Variants in NTM observed in about 807,000 individuals in gnomAD.
NTM encodes IgLON family member 2.
NTM carries 13 observed loss-of-function variants against 42.1 expected under a neutral mutation model. That is an observed-to-expected ratio of 0.31 (90% confidence interval 0.20 to 0.49). NTM has a LOEUF of 0.49. Among genes scored for constraint, NTM ranks in the 20% least tolerant of loss-of-function variants. The probability of loss-of-function intolerance (pLI) is 0.99; values close to 1 mark genes in which losing one functional copy is unlikely to be tolerated. For synonymous variants in NTM, 187 were observed against 179.2 expected, an observed-to-expected ratio of 1.04 and a Z score of -0.35; for missense variants, 373 against 452.8, an observed-to-expected ratio of 0.82 and a Z score of 1.60.
intron 1 of NTM, among the ~76,000 whole-genome samples, chr11:131,874,043 ATATATATATATATATATATATATATCAG>A (rs2048234135): frequency 2.2e-5 from 1 of 45,862 alleles, no homozygotes; most frequent in Non-Finnish European, 3.4e-5. Context: ...ATATATATAT[ATATATATATATATATATATATATATCAG>A]CAACAGGGTG....
chr11:131,820,696 A>G (rs548281833), intron 1 of NTM, among the ~76,000 whole-genome samples: 1 of 152,322 alleles, frequency 6.6e-6, no homozygotes, highest in Admixed American at 6.5e-5. Flanking sequence ...AGCAATACAA[A>G]GGATTGGCAC....
chr11:132,020,229 A>G (rs910142270), intron 2 of NTM, among the ~76,000 whole-genome samples: 18 of 151,902 alleles, frequency 1.2e-4, no homozygotes, highest in Admixed American at 8.5e-4. Context: ...TCTTTATCCA[A>G]TCTACCACTG....
intron 4 of NTM, among the ~76,000 whole-genome samples, chr11:132,270,107 A>G (rs576248697): frequency 1.3e-5 from 2 of 152,322 alleles, no homozygotes; most frequent in East Asian, 3.9e-4. Flanking sequence ...CGTTTTATTC[A>G]TATGAGATCA....
chr11:131,914,334 A>G (rs516899), intron 2 of NTM, among the ~76,000 whole-genome samples: 94,268 of 151,624 alleles, frequency 0.62, 30,099 homozygotes, highest in Middle Eastern at 0.78. Flanking sequence ...TTCTGTTTTG[A>G]CTAATCATAT....
At chr11:132,188,247 C>T (rs1177926966) in intron 3 of NTM, among the ~76,000 whole-genome samples, 1 of 152,200 alleles carries the variant, frequency 6.6e-6, no homozygotes, top group African/African-American at 2.4e-5. Context: ...CCCCAAATGT[C>T]AGTAGTGCTG....
chr11:131,572,685 T>C (rs2137101037), intron 1 of NTM, among the ~76,000 whole-genome samples: 1 of 152,172 alleles, frequency 6.6e-6, no homozygotes, highest in Non-Finnish European at 1.5e-5. Context: ...CCACAGAGGC[T>C]CTGGGAGCTT....
intron 1 of NTM, chr11:131,582,053 C>T (rs11222703): frequency 0.32 from 48,880 of 152,020 alleles, 9,160 homozygotes; most frequent in East Asian, 0.45. Context: ...GGCTCTCAGC[C>T]TTCACTCTGC....
chr11:131,381,465 T>C (rs1194315373), intron 1 of NTM, among the ~76,000 whole-genome samples: 1 of 152,234 alleles, frequency 6.6e-6, no homozygotes, highest in Non-Finnish European at 1.5e-5. Context: ...CAAATAAGAA[T>C]TAACTAATCA....
intron 2 of NTM, among the ~76,000 whole-genome samples, chr11:131,980,282 A>G (rs1036178332): frequency 6.6e-6 from 1 of 152,178 alleles, no homozygotes; most frequent in Non-Finnish European, 1.5e-5. Context: ...TATTCAGAAT[A>G]AGGCCGATTT....
chr11:131,489,737 A>G (rs1324024617), intron 1 of NTM, among the ~76,000 whole-genome samples: 1 of 152,188 alleles, frequency 6.6e-6, no homozygotes, highest in Non-Finnish European at 1.5e-5. Context: ...ATGCCTCAAC[A>G]TACATTACTA....
chr11:131,491,208 A>AT (rs1039543280), intron 1 of NTM, among the ~76,000 whole-genome samples: 3 of 152,200 alleles, frequency 2.0e-5, no homozygotes, highest in African/African-American at 7.2e-5. Context: ...TGAGCTATCA[A>AT]TTTAAAAAAA....
chr11:131,861,207 G>A (rs940949985), intron 1 of NTM, among the ~76,000 whole-genome samples: 5 of 152,098 alleles, frequency 3.3e-5, no homozygotes, highest in African/African-American at 1.2e-4. Context: ...GCTAGGAAGG[G>A]CCTACACATC....
chr11:131,999,827 A>G (rs1057502177), intron 2 of NTM, among the ~76,000 whole-genome samples: 3 of 152,116 alleles, frequency 2.0e-5, no homozygotes, highest in Admixed American at 6.5e-5. Flanking sequence ...AAGAGAAACT[A>G]TCTCTCCCAT....
At chr11:131,607,726 A>C (rs1201685886) in intron 1 of NTM, among the ~76,000 whole-genome samples, 1 of 152,218 alleles carries the variant, frequency 6.6e-6, no homozygotes, top group South Asian at 2.1e-4. Flanking sequence ...TTATTAAAAG[A>C]GAATGAAATT....
At chr11:131,435,853 C>T (rs1215164739) in intron 1 of NTM, among the ~76,000 whole-genome samples, 5 of 152,190 alleles carry the variant, frequency 3.3e-5, no homozygotes, top group Non-Finnish European at 1.5e-5. Flanking sequence ...GAGGGCATCC[C>T]TGCCTTGTGC....
chr11:132,134,328 T>C (rs1036125510), intron 2 of NTM, among the ~76,000 whole-genome samples: 2 of 152,118 alleles, frequency 1.3e-5, no homozygotes, highest in African/African-American at 4.8e-5. Context: ...CTTTTATTTA[T>C]TTATTTTTTT....
At chr11:131,460,549 C>A (rs1016101248) in intron 1 of NTM, among the ~76,000 whole-genome samples, 1 of 152,054 alleles carries the variant, frequency 6.6e-6, no homozygotes, top group African/African-American at 2.4e-5. Context: ...TGCTTTCTTT[C>A]TTTTTTCTTT....
intron 1 of NTM, among the ~76,000 whole-genome samples, chr11:131,666,326 T>G (rs1445707268): frequency 6.6e-6 from 1 of 152,162 alleles, no homozygotes; most frequent in African/African-American, 2.4e-5. Flanking sequence ...TGTCTTATAA[T>G]TGCCAGAGGG....
At chr11:131,431,353 C>T (rs1003659343) in intron 1 of NTM, among the ~76,000 whole-genome samples, 1 of 152,192 alleles carries the variant, frequency 6.6e-6, no homozygotes, top group African/African-American at 2.4e-5. Flanking sequence ...CCTCCTTAGA[C>T]CCCTCACATA....
Sources: gnomAD v4.1 joint callset for allele counts (sites outside exome capture counted in the v4.1 genomes callset) on GRCh38, gnomAD v4.1.1 for gene constraint, MANE v1.5 for transcripts, NCBI Gene and HGNC (gene_info 2026-07-23, HGNC 2026-07-21) for gene names.